The following PDZRN3 variants were observed in gnomAD, a reference collection of about 807,000 sequenced individuals.
PDZRN3 encodes the protein E3 ubiquitin-protein ligase PDZRN3.
PDZRN3 carries 38 observed loss-of-function variants against 85.7 expected under a neutral mutation model. The ratio of observed to expected loss-of-function variants is 0.44; its 90% CI spans 0.34 to 0.58. PDZRN3 has a LOEUF of 0.58. Ranked by LOEUF, PDZRN3 falls within the 20% of genes least tolerant of loss-of-function variation. The probability of loss-of-function intolerance (pLI) is 0.01; values close to 1 mark genes in which losing one functional copy is unlikely to be tolerated. For synonymous variants in PDZRN3, 759 were observed against 638.0 expected (o/e 1.19, Z -2.86); for missense variants, 1,629 against 1,506.4 (o/e 1.08, Z -1.35).
At chr3:73,614,097 C>G (rs918127733) in intron 1 of PDZRN3, among the ~76,000 whole-genome samples, 3 of 152,170 alleles carry the variant, frequency 2.0e-5, no homozygotes, top group Non-Finnish European at 4.4e-5. Context: ...CATATTTGAA[C>G]ATGTAACTAT....
At chr3:73,566,686 G>T (rs550123858) in intron 3 of PDZRN3, among the ~76,000 whole-genome samples, 1 of 152,208 alleles carries the variant, frequency 6.6e-6, no homozygotes, top group South Asian at 2.1e-4. Flanking sequence ...GTAATTTATG[G>T]CCCATAATAG....
intron 1 of PDZRN3, among the ~76,000 whole-genome samples, chr3:73,617,720 T>A (rs562319737): frequency 1.3e-5 from 2 of 152,124 alleles, no homozygotes; most frequent in South Asian, 4.2e-4. Context: ...TTTTTTTTTT[T>A]AACAGGGTCT....
intron 3 of PDZRN3, among the ~76,000 whole-genome samples, chr3:73,510,787 G>C (rs953698738): frequency 6.6e-6 from 1 of 152,112 alleles, no homozygotes; most frequent in Non-Finnish European, 1.5e-5. Flanking sequence ...ATATGATAAA[G>C]TTTAATTTAT....
At chr3:73,604,288 T>C (rs999215744) in intron 2 of PDZRN3, among the ~76,000 whole-genome samples, 1 of 152,224 alleles carries the variant, frequency 6.6e-6, no homozygotes, top group Non-Finnish European at 1.5e-5. Context: ...AGCAGCTTCC[T>C]TTACTGAGCA....
At chr3:73,419,770 T>C (rs141920083) in intron 3 of PDZRN3, among the ~76,000 whole-genome samples, 3 of 152,218 alleles carry the variant, frequency 2.0e-5, no homozygotes, top group Admixed American at 1.3e-4. Context: ...CGTGTCTTAA[T>C]TGCTATCGCA....
chr3:73,389,503 G>C (rs1701475668), intron 7 of PDZRN3, among the ~76,000 whole-genome samples: 1 of 152,084 alleles, frequency 6.6e-6, no homozygotes, highest in Admixed American at 6.6e-5. Flanking sequence ...GCCTGACTTT[G>C]GCTCACTGAT....
intron 5 of PDZRN3, among the ~76,000 whole-genome samples, chr3:73,399,196 C>T (rs917229177): frequency 6.6e-6 from 1 of 152,192 alleles, no homozygotes; most frequent in African/African-American, 2.4e-5. Context: ...AAAGTCTCTA[C>T]TACTTCATAA....
chr3:73,594,384 T>C (rs1702404004), intron 3 of PDZRN3, among the ~76,000 whole-genome samples: 1 of 152,346 alleles, frequency 6.6e-6, no homozygotes, highest in Middle Eastern at 3.4e-3. Context: ...TGTTAACTTC[T>C]ATATTTGGCT....
intron 3 of PDZRN3, among the ~76,000 whole-genome samples, chr3:73,597,125 T>G (rs1243816157): frequency 1.3e-5 from 2 of 152,212 alleles, no homozygotes; most frequent in Admixed American, 6.5e-5. Context: ...TTTAAATAAA[T>G]ACTCCAGCTT....
At chr3:73,575,497 G>A (rs939765697) in intron 3 of PDZRN3, among the ~76,000 whole-genome samples, 1 of 152,148 alleles carries the variant, frequency 6.6e-6, no homozygotes, top group Non-Finnish European at 1.5e-5. Flanking sequence ...GTAGAAACGC[G>A]AGAAACAGCA....
intron 3 of PDZRN3, among the ~76,000 whole-genome samples, chr3:73,441,179 C>T (rs909154422): frequency 6.6e-6 from 1 of 152,046 alleles, no homozygotes; most frequent in Non-Finnish European, 1.5e-5. Flanking sequence ...CTTTGGGAGG[C>T]CGAGGCGGGC....
chr3:73,406,557 C>T (rs1488005434), intron 3 of PDZRN3, among the ~76,000 whole-genome samples: 1 of 152,110 alleles, frequency 6.6e-6, no homozygotes, highest in Non-Finnish European at 1.5e-5. Context: ...TGGTCAATAC[C>T]ACCCAGTCAC....
chr3:73,535,347 C>G (rs1038187298), intron 3 of PDZRN3, among the ~76,000 whole-genome samples: 6 of 152,192 alleles, frequency 3.9e-5, no homozygotes, highest in African/African-American at 1.4e-4. Context: ...CTTCACACTC[C>G]AATATATCAT....
rs189666603 is a variant in PDZRN3, at chr3:73,524,797, C to A, written c.918+77557G>T. Among the ~76,000 whole-genome samples, 6 of 151,990 alleles carry A rather than the reference C, an allele frequency of 3.9e-5. No homozygotes were observed. In the East Asian group the frequency reaches 1.2e-3, roughly 29 times the overall value. On this transcript the variant is annotated intron_variant, in intron 3 of 9. Coordinates refer to ENST00000263666, the MANE Select transcript of PDZRN3 (RefSeq NM_015009.3). ...CATGCAAATTAAAAGTGAACATAATCCTAGTTTAAATTTTAGGAAAATATT... is the reference window on the plus strand; with the variant it reads ...CATGCAAATTAAAAGTGAACATAATACTAGTTTAAATTTTAGGAAAATATT...
chr3:73,442,753 G>A (rs1238589167), intron 3 of PDZRN3, among the ~76,000 whole-genome samples: 1 of 149,642 alleles, frequency 6.7e-6, no homozygotes, highest in Non-Finnish European at 1.5e-5. Context: ...ATATGACCTT[G>A]CATTCCCATG....
chr3:73,490,506 A>G (rs1049696525), intron 3 of PDZRN3, among the ~76,000 whole-genome samples: 1 of 152,188 alleles, frequency 6.6e-6, no homozygotes, highest in Non-Finnish European at 1.5e-5. Flanking sequence ...GGGCATCTAC[A>G]TCACGGCAAA....
At chr3:73,511,948 A>G (rs528128744) in intron 3 of PDZRN3, among the ~76,000 whole-genome samples, 2 of 152,354 alleles carry the variant, frequency 1.3e-5, no homozygotes, top group Admixed American at 1.3e-4. Flanking sequence ...ACCAGAAAGT[A>G]AACTTCTGAT....
At chr3:73,457,234 G>A (rs985310196) in intron 3 of PDZRN3, among the ~76,000 whole-genome samples, 1 of 151,958 alleles carries the variant, frequency 6.6e-6, no homozygotes, top group African/African-American at 2.4e-5. Flanking sequence ...CACCATGCCC[G>A]GCTAATTTTT....
intron 3 of PDZRN3, among the ~76,000 whole-genome samples, chr3:73,462,146 G>C (rs1703117357): frequency 6.6e-6 from 1 of 152,146 alleles, no homozygotes; most frequent in East Asian, 1.9e-4. Context: ...CAATGATGCT[G>C]TTCTTTATGC....
Sources: allele counts gnomAD v4.1 joint callset (sites outside exome capture counted in the v4.1 genomes callset), GRCh38; gene constraint gnomAD v4.1.1; transcripts MANE v1.5; gene names NCBI Gene and HGNC (gene_info 2026-07-23, HGNC 2026-07-21).